CDH18: variants seen among roughly 807,000 people sequenced by gnomAD.
CDH18 encodes the protein cadherin-18.
CDH18 carries 31 observed loss-of-function variants against 67.9 expected under a neutral mutation model. That is an observed-to-expected ratio of 0.46 (90% CI 0.34 to 0.62). The LOEUF is 0.62. CDH18 is among the 20% of genes least tolerant of loss of function. The pLI, the probability that CDH18 is intolerant of heterozygous loss-of-function variation, is 0.01. For missense variants in CDH18, 890 were observed against 975.5 expected (o/e 0.91, Z 1.17); for synonymous variants, 362 against 347.2 (o/e 1.04, Z -0.48).
chr5:19,680,421 G>T (rs2150381224), intron 5 of CDH18, among the ~76,000 whole-genome samples: 1 of 151,926 alleles, frequency 6.6e-6, no homozygotes, highest in Non-Finnish European at 1.5e-5. Flanking sequence ...ACAAAAATTG[G>T]CAAGTGGGAC....
chr5:19,571,846 A>T lies in CDH18; in HGVS notation c.1000-14T>A, dbSNP rs747792303. On this transcript the variant is annotated splice_polypyrimidine_tract_variant and intron_variant, in intron 7 of 12. Coordinates refer to ENST00000382275, the MANE Select transcript of CDH18 (RefSeq NM_004934.5). Reference sequence around the variant, plus strand: ...ATAGTTCAGTGGCTGTGGGGAAAAAAAATAAGATTATGACTTTTATAAAAA... The same window carrying T: ...ATAGTTCAGTGGCTGTGGGGAAAAATAATAAGATTATGACTTTTATAAAAA... 28 of 1,595,224 alleles carry T rather than the reference A, an allele frequency of 1.8e-5. No homozygotes were observed. Among genetic ancestry groups the T allele is most frequent in the Non-Finnish European group, 2.4e-5 (28 of 1,167,488 alleles).
At chr5:19,898,605 TA>T (rs1469676229) in intron 2 of CDH18, among the ~76,000 whole-genome samples, 1 of 150,676 alleles carries the variant, frequency 6.6e-6, no homozygotes, top group Non-Finnish European at 1.5e-5. Flanking sequence ...TCATTCAGTA[TA>T]TGAATTCTTA....
chr5:19,820,841 C>G (rs62355789), intron 3 of CDH18, among the ~76,000 whole-genome samples: 12 of 152,096 alleles, frequency 7.9e-5, no homozygotes, highest in Non-Finnish European at 1.5e-4. Context: ...GGAACCCATA[C>G]AGAGCCTTGG....
intron 8 of CDH18, among the ~76,000 whole-genome samples, chr5:19,569,777 A>G (rs1005281022): frequency 2.0e-5 from 3 of 152,160 alleles, no homozygotes; most frequent in African/African-American, 7.2e-5. Flanking sequence ...TAATGATTTG[A>G]ATGTTCTCAG....
chr5:19,774,712 C>T (rs543921958), intron 3 of CDH18, among the ~76,000 whole-genome samples: 1 of 144,862 alleles, frequency 6.9e-6, no homozygotes, highest in South Asian at 2.2e-4. Context: ...GTCCCAGCTA[C>T]TAGGGAGGCT....
At chr5:19,807,091 AGCTCTCTAGTTTAAT>A (rs1778121373) in intron 3 of CDH18, among the ~76,000 whole-genome samples, 1 of 152,232 alleles carries the variant, frequency 6.6e-6, no homozygotes, top group South Asian at 2.1e-4. Flanking sequence ...AAGGTACAGT[AGCTCTCTAGTTTAAT>A]TAGATCCCAT....
chr5:19,921,254 G>T (rs377340120), intron 2 of CDH18, among the ~76,000 whole-genome samples: 84 of 152,112 alleles, frequency 5.5e-4, no homozygotes, highest in African/African-American at 2.0e-3. Flanking sequence ...AAAACAGGCC[G>T]GGCATAGTGG....
intron 3 of CDH18, among the ~76,000 whole-genome samples, chr5:19,822,321 A>C (rs950297684): frequency 1.3e-5 from 2 of 152,200 alleles, no homozygotes; most frequent in African/African-American, 4.8e-5. Context: ...GTTATTCTTA[A>C]ATCAGACAAA....
intron 1 of CDH18, among the ~76,000 whole-genome samples, chr5:19,987,167 A>C (rs2150377482): frequency 6.6e-6 from 1 of 152,240 alleles, no homozygotes; most frequent in African/African-American, 2.4e-5. Context: ...TTGAAATAAA[A>C]ATATTTTAAT....
rs1387369697 is a variant in CDH18 at position 20,259,069 on chromosome 5, TAAA to T, written c.-579-3567_-579-3565del. Among the ~76,000 whole-genome samples, 6 of 152,244 alleles carry T rather than the reference TAAA, an allele frequency of 3.9e-5. No homozygotes were observed. The East Asian group carries it at 1.2e-3, about 30-fold the overall frequency. On this transcript the variant is annotated intron_variant, in intron 1 of 14. Transcript: ENST00000507958. Reference sequence around the variant, plus strand: ...ATGGTGTGCTGCTGCAACAAACGCCTAAAAATAGTGTGACTGGCTTTGAAACCA... The same window carrying T: ...ATGGTGTGCTGCTGCAACAAACGCCTAATAGTGTGACTGGCTTTGAAACCA...
intron 2 of CDH18, among the ~76,000 whole-genome samples, chr5:20,193,092 A>G (rs1460956896): frequency 1.3e-5 from 2 of 152,040 alleles, no homozygotes; most frequent in African/African-American, 2.4e-5. Flanking sequence ...ATTCCTAAGT[A>G]TTGTATTCTC....
chr5:20,247,975 C>T (rs558331871), intron 2 of CDH18, among the ~76,000 whole-genome samples: 13 of 152,150 alleles, frequency 8.5e-5, no homozygotes, highest in African/African-American at 3.1e-4. Flanking sequence ...GACTATACCG[C>T]TAAAATATCT....
At chr5:20,167,694 G>T (rs1457989670) in intron 2 of CDH18, among the ~76,000 whole-genome samples, 2 of 152,114 alleles carry the variant, frequency 1.3e-5, no homozygotes, top group Non-Finnish European at 2.9e-5. Flanking sequence ...TGAATAGGCT[G>T]CCACCACTCC....
intron 1 of CDH18, among the ~76,000 whole-genome samples, chr5:19,982,639 A>G (rs994702464): frequency 1.4e-4 from 21 of 152,110 alleles, no homozygotes; most frequent in Non-Finnish European, 2.2e-4. Context: ...ATGGGTTGCA[A>G]ATTGCTTTTT....
At chr5:19,875,399 GA>G (rs1786831587) in intron 2 of CDH18, among the ~76,000 whole-genome samples, 1 of 30,162 alleles carries the variant, frequency 3.3e-5, no homozygotes, top group Non-Finnish European at 9.4e-5. Flanking sequence ...CATGGGTATA[GA>G]TAGATAGATA....
At chr5:20,419,251 C>G (rs80271167) in intron 1 of CDH18, among the ~76,000 whole-genome samples, 1 of 151,950 alleles carries the variant, frequency 6.6e-6, no homozygotes, top group Non-Finnish European at 1.5e-5. Flanking sequence ...CTGAGGCTGC[C>G]CAGGCCTCTG....
At chr5:19,987,037 G>A (rs548012546) in intron 1 of CDH18, among the ~76,000 whole-genome samples, 116 of 152,120 alleles carry the variant, frequency 7.6e-4, no homozygotes, top group Non-Finnish European at 1.3e-3. Context: ...GCCATCACCT[G>A]AGCAAACCGA....
At chr5:20,253,428 G>A (rs1311477223) in intron 2 of CDH18, among the ~76,000 whole-genome samples, 3 of 152,084 alleles carry the variant, frequency 2.0e-5, no homozygotes, top group Non-Finnish European at 4.4e-5. Context: ...TAAAATGATA[G>A]ACACCAAATT....
At chr5:19,638,976 T>A in intron 5 of CDH18, among the ~76,000 whole-genome samples, 1 of 86,666 alleles carries the variant, frequency 1.2e-5, no homozygotes, top group Admixed American at 1.7e-4. Flanking sequence ...TTTTTGTTGC[T>A]GTTTTTTTTT....
Sources: gnomAD v4.1 joint callset for allele counts (sites outside exome capture counted in the v4.1 genomes callset) on GRCh38, gnomAD v4.1.1 for gene constraint, MANE v1.5 for transcripts, NCBI Gene and HGNC (gene_info 2026-07-23, HGNC 2026-07-21) for gene names.